PHACTR3: variants seen among roughly 807,000 people sequenced by gnomAD.
The protein encoded by PHACTR3 is protein phosphatase 1, regulatory subunit 123.
PHACTR3 carries 16 observed loss-of-function variants against 66.8 expected under a neutral mutation model. The ratio of observed to expected loss-of-function variants is 0.24; its 90% CI spans 0.16 to 0.36. The LOEUF is 0.36. Ranked by LOEUF, PHACTR3 falls within the 10% of genes least tolerant of loss-of-function variation. The probability of loss-of-function intolerance (pLI) is 1.00; values close to 1 mark genes in which losing one functional copy is unlikely to be tolerated. For synonymous variants in PHACTR3, 323 were observed against 292.1 expected, an observed-to-expected ratio of 1.11 and a Z score of -1.08; for missense variants, 647 against 719.9, an observed-to-expected ratio of 0.90 and a Z score of 1.16.
chr20:59,681,595 C>T (rs1443272961), intron 1 of PHACTR3, among the ~76,000 whole-genome samples: 1 of 152,234 alleles, frequency 6.6e-6, no homozygotes. Context: ...ACAGATATCT[C>T]AACAGACTGT....
rs1568697662 is a variant in PHACTR3, at chr20:59,674,695, GCCTTCTCCTGTCCC to G, written c.119-68409_119-68396del. 1.8e-4 allele frequency among the ~76,000 whole-genome samples: 6 copies of G among 33,252 alleles called. No homozygotes were observed. The East Asian group carries it at 4.3e-3, about 24-fold the overall frequency. The allele number at this position is 33,252 out of a possible 152,430, so 21.8% of individuals were successfully genotyped here. On this transcript the variant is annotated intron_variant, in intron 1 of 12. Coordinates refer to ENST00000371015, the MANE Select transcript of PHACTR3 (RefSeq NM_080672.5). ...CCTCTTCCCACCTTCTCCTGTTCCT[GCCTTCTCCTGTCCC>G]CCCTTCTCCTGTTCCCCCTCCTCCT... is the stretch of plus-strand genomic sequence containing the variant.
chr20:59,656,753 G>C (rs969905392), intron 1 of PHACTR3, among the ~76,000 whole-genome samples: 1 of 151,222 alleles, frequency 6.6e-6, no homozygotes, highest in African/African-American at 2.4e-5. Flanking sequence ...CCTTAAATGA[G>C]TATTTTTAGT....
At chr20:59,760,510 A>T (rs1177590548) in intron 4 of PHACTR3, among the ~76,000 whole-genome samples, 1 of 152,074 alleles carries the variant, frequency 6.6e-6, no homozygotes, top group African/African-American at 2.4e-5. Flanking sequence ...ATGAGATCTG[A>T]TGGTTTTATA....
chr20:59,587,364 G>GC (rs1393126277), intron 1 of PHACTR3, among the ~76,000 whole-genome samples: 1 of 152,248 alleles, frequency 6.6e-6, no homozygotes, highest in Non-Finnish European at 1.5e-5. Context: ...CCCCAGCTCT[G>GC]CCCCGAGTCC....
chr20:59,787,168 G>T (rs1380051370), intron 7 of PHACTR3, among the ~76,000 whole-genome samples: 1 of 152,210 alleles, frequency 6.6e-6, no homozygotes, highest in Non-Finnish European at 1.5e-5. Context: ...GAGAATAGTG[G>T]TCTCCTTGCA....
intron 1 of PHACTR3, among the ~76,000 whole-genome samples, chr20:59,640,158 A>C (rs1366320617): frequency 6.6e-6 from 1 of 152,238 alleles, no homozygotes; most frequent in Non-Finnish European, 1.5e-5. Context: ...GCAGCTGAGC[A>C]ATATTGGGAA....
At chr20:59,718,054 GA>G (rs2038159454) in intron 1 of PHACTR3, among the ~76,000 whole-genome samples, 1 of 152,198 alleles carries the variant, frequency 6.6e-6, no homozygotes, top group Non-Finnish European at 1.5e-5. Flanking sequence ...AGGGGCTGGG[GA>G]AACCCAGAAG....
chr20:59,757,413 C>T (rs1349116730), intron 4 of PHACTR3, among the ~76,000 whole-genome samples: 2 of 152,156 alleles, frequency 1.3e-5, no homozygotes, highest in Non-Finnish European at 2.9e-5. Context: ...CTGAGTGAGG[C>T]CTGAGGGAGG....
At chr20:59,636,318 G>A (rs2034901726) in intron 1 of PHACTR3, among the ~76,000 whole-genome samples, 1 of 152,176 alleles carries the variant, frequency 6.6e-6, no homozygotes. Context: ...GATTCAATGA[G>A]GGCCTACTAT....
intron 9 of PHACTR3, 101 bp from the exon 10 acceptor site, chr20:59,840,268 C>T: frequency 6.7e-7 from 1 of 1,487,454 alleles, no homozygotes; most frequent in Non-Finnish European, 8.9e-7. Flanking sequence ...CTTCAGCTCC[C>T]AGAAATATGG....
intron 1 of PHACTR3, among the ~76,000 whole-genome samples, chr20:59,737,968 C>T (rs1423623973): frequency 6.6e-6 from 1 of 152,220 alleles, no homozygotes; most frequent in South Asian, 2.1e-4. Context: ...GGTGGGAACC[C>T]CAGAACCTGC....
At chr20:59,774,862 G>A (rs913567669) in intron 7 of PHACTR3, among the ~76,000 whole-genome samples, 1 of 151,980 alleles carries the variant, frequency 6.6e-6, no homozygotes, top group Non-Finnish European at 1.5e-5. Context: ...GATGCTCAGT[G>A]TACAGAAGTT....
At chr20:59,590,139 C>T (rs1173719876) in intron 1 of PHACTR3, among the ~76,000 whole-genome samples, 1 of 152,174 alleles carries the variant, frequency 6.6e-6, no homozygotes, top group Non-Finnish European at 1.5e-5. Flanking sequence ...GTGTGTGCTC[C>T]ATGAGTGATT....
intron 1 of PHACTR3, among the ~76,000 whole-genome samples, chr20:59,716,688 C>G (rs1377867517): frequency 1.3e-5 from 2 of 152,196 alleles, no homozygotes; most frequent in Non-Finnish European, 2.9e-5. Flanking sequence ...TTTACATGTT[C>G]ATAATTCACA....
chr20:59,602,277 T>C (rs866270763), upstream of PHACTR3, among the ~76,000 whole-genome samples: 7 of 151,916 alleles, frequency 4.6e-5, no homozygotes, highest in South Asian at 1.0e-3. Flanking sequence ...TCCTTTAACA[T>C]GCATGTCGGC....
At chr20:59,809,378 CAAG>C in intron 8 of PHACTR3, among the ~76,000 whole-genome samples, 1 of 152,148 alleles carries the variant, frequency 6.6e-6, no homozygotes, top group Non-Finnish European at 1.5e-5. Context: ...TTCATTTCTG[CAAG>C]TCTCAGTGAT....
At chr20:59,840,957 A>G (rs1223256187) in intron 10 of PHACTR3, among the ~76,000 whole-genome samples, 1 of 152,216 alleles carries the variant, frequency 6.6e-6, no homozygotes, top group East Asian at 1.9e-4. Context: ...CCATTTCTAA[A>G]TTCAAGTGTT....
chr20:59,766,868 G>A (rs2040197260), intron 4 of PHACTR3, among the ~76,000 whole-genome samples: 1 of 152,174 alleles, frequency 6.6e-6, no homozygotes, highest in Admixed American at 6.5e-5. Flanking sequence ...CTTGAGCCTG[G>A]GTGTGTCTGA....
At chr20:59,587,577 G>C (rs1330021647) in intron 1 of PHACTR3, among the ~76,000 whole-genome samples, 1 of 152,238 alleles carries the variant, frequency 6.6e-6, no homozygotes, top group East Asian at 1.9e-4. Flanking sequence ...AGGGGTGCAG[G>C]TGGGCTTACC....
Sources: gnomAD v4.1 joint callset for allele counts (sites outside exome capture counted in the v4.1 genomes callset) on GRCh38, gnomAD v4.1.1 for gene constraint, MANE v1.5 for transcripts, NCBI Gene and HGNC (gene_info 2026-07-23, HGNC 2026-07-21) for gene names.